FHOD3: variants seen among roughly 807,000 people sequenced by gnomAD.
FHOD3 encodes formin homology 2 domain containing 3, also known as FH1/FH2 domain-containing protein 3.
A neutral mutation model predicts 173.0 loss-of-function variants in FHOD3; 90 were observed. The ratio of observed to expected loss-of-function variants is 0.52; its 90% confidence interval spans 0.44 to 0.62. The LOEUF is 0.62. Among genes scored for constraint, FHOD3 ranks in the 20% least tolerant of loss-of-function variants. The pLI, the probability that FHOD3 is intolerant of heterozygous loss-of-function variation, is 0.00. For missense variants in FHOD3, 1,945 were observed against 2,034.7 expected (o/e 0.96, Z 0.85); for synonymous variants, 828 against 823.0 (o/e 1.01, Z -0.10).
intron 27 of FHOD3, among the ~76,000 whole-genome samples, chr18:36,764,572 G>C (rs1215482744): frequency 6.6e-6 from 1 of 151,892 alleles, no homozygotes; most frequent in Non-Finnish European, 1.5e-5. Context: ...CTTCTTAGGG[G>C]GTGGATCTCA....
intron 3 of FHOD3, among the ~76,000 whole-genome samples, chr18:36,476,103 C>T (rs2053560909): frequency 6.6e-6 from 1 of 152,236 alleles, no homozygotes; most frequent in Middle Eastern, 3.4e-3. Flanking sequence ...ATTCCATCAA[C>T]CTATTACTCC....
At position 36,769,409 on chromosome 18, in the gene FHOD3, G is replaced by A. The variant is rs375589910; in HGVS notation, c.4769G>A (p.Arg1590Gln). 82 of 1,613,960 alleles carry A rather than the reference G, an allele frequency of 5.1e-5. No homozygotes were observed. The highest frequency in any genetic ancestry group is 6.4e-5 in the Non-Finnish European group (75 of 1,180,020). ...RVVPRERKRSRANRKSLRRTL... is the reference protein window; with the variant it reads ...RVVPRERKRSQANRKSLRRTL... ...GTGCCGAGGGAGAGGAAACGATCCC[G>A]GGCCAACCGGAAATCTTGTGAGTGC... Residue 1590 changes from arginine to glutamine, a missense_variant, in exon 28 of 29, where the codon CGG (arginine) becomes CAG (glutamine). Arg to Gln is a conservative substitution (Grantham distance 43). This residue lies in a region of FHOD3 where 354 missense variants were observed against 359.9 expected (regional missense o/e 0.98). Transcript: ENST00000590592.
intron 2 of FHOD3, among the ~76,000 whole-genome samples, chr18:36,356,379 A>T (rs1271856967): frequency 1.3e-5 from 2 of 152,206 alleles, no homozygotes; most frequent in African/African-American, 2.4e-5. Context: ...AAAATCAGAG[A>T]TGTGCACAGA....
chr18:36,354,633 C>A (rs2046274157), intron 1 of FHOD3, among the ~76,000 whole-genome samples: 1 of 152,096 alleles, frequency 6.6e-6, no homozygotes, highest in Admixed American at 6.5e-5. Flanking sequence ...AAAACCCCAT[C>A]TCTACTAAAA....
chr18:36,656,697 C>T (rs1250733032), intron 13 of FHOD3, among the ~76,000 whole-genome samples: 1 of 152,130 alleles, frequency 6.6e-6, no homozygotes, highest in Non-Finnish European at 1.5e-5. Flanking sequence ...TGTGATCAAA[C>T]TGTGTATATT....
chr18:36,550,576 A>G (rs952814512), intron 5 of FHOD3, among the ~76,000 whole-genome samples: 4 of 152,076 alleles, frequency 2.6e-5, no homozygotes, highest in Non-Finnish European at 5.9e-5. Context: ...CTTTTAATCT[A>G]TGACATGATA....
chr18:36,594,207 T>C lies in FHOD3; in HGVS notation c.607-580T>C, dbSNP rs532319349. ...TTCTGCCTGTGTGAGGGAAGGCCTC[T>C]GGGCTTCATGTGGCTCCTGGCAAAT... is the stretch of plus-strand genomic sequence containing the variant. On this transcript the variant is annotated intron_variant, in intron 6 of 28. Transcript: ENST00000590592. 1.6e-4 allele frequency among the ~76,000 whole-genome samples: 25 copies of C among 152,260 alleles called. No individual in the cohort carries two copies. The South Asian group carries it at 2.9e-3, about 18-fold the overall frequency.
intron 10 of FHOD3, among the ~76,000 whole-genome samples, chr18:36,630,624 G>C (rs2034445922): frequency 6.6e-6 from 1 of 152,200 alleles, no homozygotes; most frequent in Non-Finnish European, 1.5e-5. Context: ...AGGTGTGACA[G>C]TCTACATCCA....
At chr18:36,389,465 T>C (rs989778784) in intron 3 of FHOD3, among the ~76,000 whole-genome samples, 2 of 152,178 alleles carry the variant, frequency 1.3e-5, no homozygotes, top group Admixed American at 1.3e-4. Flanking sequence ...ATAATCATAG[T>C]CCTAGAATCC....
intron 27 of FHOD3, among the ~76,000 whole-genome samples, chr18:36,764,634 T>C (rs1479050929): frequency 6.6e-6 from 1 of 152,134 alleles, no homozygotes; most frequent in African/African-American, 2.4e-5. Context: ...GAAACATCTA[T>C]TCCTGACCAG....
At chr18:36,483,552 TTA>T (rs564662093) in intron 3 of FHOD3, among the ~76,000 whole-genome samples, 156 of 152,350 alleles carry the variant, frequency 1.0e-3, no homozygotes, top group Non-Finnish European at 2.0e-3. Flanking sequence ...CACTGGCTCT[TTA>T]TGTTTTATTC....
At chr18:36,766,604 G>T (rs2043148708) in intron 27 of FHOD3, among the ~76,000 whole-genome samples, 1 of 152,184 alleles carries the variant, frequency 6.6e-6, no homozygotes. Context: ...TGGTAATCAG[G>T]CAGTGAGGAT....
intron 17 of FHOD3, among the ~76,000 whole-genome samples, chr18:36,700,834 A>T (rs536029709): frequency 6.6e-6 from 1 of 152,324 alleles, no homozygotes; most frequent in South Asian, 2.1e-4. Flanking sequence ...AACCACAGTC[A>T]GTACCTGAAA....
intron 1 of FHOD3, among the ~76,000 whole-genome samples, chr18:36,353,394 G>A (rs1273773696): frequency 6.6e-6 from 1 of 152,228 alleles, no homozygotes; most frequent in Non-Finnish European, 1.5e-5. Context: ...GCCTGTTATA[G>A]ATGCTGCTTC....
intron 3 of FHOD3, among the ~76,000 whole-genome samples, chr18:36,408,348 G>C (rs1353457398): frequency 1.3e-5 from 2 of 152,172 alleles, no homozygotes; most frequent in Admixed American, 1.3e-4. Context: ...GTGTAGGGCA[G>C]GTCCTGCATT....
chr18:36,736,622 C>G (rs964263452), intron 20 of FHOD3, among the ~76,000 whole-genome samples: 2 of 152,188 alleles, frequency 1.3e-5, no homozygotes, highest in Non-Finnish European at 2.9e-5. Flanking sequence ...TGAAGTCAAG[C>G]TGCCTCTCTC....
intron 1 of FHOD3, among the ~76,000 whole-genome samples, chr18:36,348,791 A>G (rs550403682): frequency 2.6e-5 from 4 of 151,994 alleles, no homozygotes; most frequent in Non-Finnish European, 5.9e-5. Flanking sequence ...GCTCAGGTAT[A>G]TTCTTGCTCT....
At chr18:36,554,835 G>A (rs1357178883) in intron 5 of FHOD3, among the ~76,000 whole-genome samples, 4 of 152,072 alleles carry the variant, frequency 2.6e-5, no homozygotes, top group Non-Finnish European at 4.4e-5. Flanking sequence ...AGGAATTTAA[G>A]CATTTCATCT....
intron 3 of FHOD3, among the ~76,000 whole-genome samples, chr18:36,450,770 G>A (rs1309634561): frequency 6.6e-6 from 1 of 152,104 alleles, no homozygotes; most frequent in Non-Finnish European, 1.5e-5. Context: ...TCCAGCCTGG[G>A]CAACAGAGCA....
Sources: allele counts gnomAD v4.1 joint callset (sites outside exome capture counted in the v4.1 genomes callset), GRCh38; gene constraint gnomAD v4.1.1; regional missense constraint gnomAD v4.1.1; transcripts MANE v1.5; gene names NCBI Gene and HGNC (gene_info 2026-07-23, HGNC 2026-07-21).